Variants in LRFN5 observed in about 807,000 individuals in gnomAD.
LRFN5 encodes leucine-rich repeat and fibronectin type-III domain-containing protein 5.
In LRFN5, 24 loss-of-function variants were observed where a neutral mutation model predicts 45.6. The observed-to-expected ratio is 0.53, with a 90% CI of 0.38 to 0.74. LRFN5 has a LOEUF of 0.74. LRFN5 is among the 30% of genes least tolerant of loss of function. LRFN5 has a pLI of 0.00. For missense variants in LRFN5, 776 were observed against 861.5 expected (o/e 0.90, Z 1.24); for synonymous variants, 340 against 313.8 (o/e 1.08, Z -0.88).
chr14:41,692,027 T>C (rs1293536326), intron 1 of LRFN5, among the ~76,000 whole-genome samples: 2 of 152,136 alleles, frequency 1.3e-5, no homozygotes, highest in East Asian at 1.9e-4. Context: ...GTGGGTAAGA[T>C]TGATGTGAAC....
chr14:41,681,497 A>C (rs1358367474), intron 1 of LRFN5, among the ~76,000 whole-genome samples: 1 of 152,154 alleles, frequency 6.6e-6, no homozygotes. Flanking sequence ...AACAAAACCA[A>C]ACGGAACAAA....
chr14:41,848,392 A>G (rs1889143661), intron 2 of LRFN5, among the ~76,000 whole-genome samples: 1 of 151,540 alleles, frequency 6.6e-6, no homozygotes, highest in Admixed American at 6.6e-5. Flanking sequence ...AAAAAGTAAA[A>G]CAAACCCAAG....
At chr14:41,747,303 A>G (rs2138835037) in intron 1 of LRFN5, among the ~76,000 whole-genome samples, 1 of 151,000 alleles carries the variant, frequency 6.6e-6, no homozygotes, top group Middle Eastern at 3.4e-3. Flanking sequence ...AGTTACAGTA[A>G]TCAAAGGATT....
At chr14:41,781,616 G>GAAAGAAAGAAAGAAAGAAAGAGAA (rs1317274535) in intron 2 of LRFN5, among the ~76,000 whole-genome samples, 1 of 59,638 alleles carries the variant, frequency 1.7e-5, no homozygotes, top group Non-Finnish European at 3.2e-5. Flanking sequence ...AAGAAAGAAA[G>GAAAGAAAGAAAGAAAGAAAGAGAA]AGAAAGAAAG....
chr14:41,850,625 G>A (rs1162377470), intron 2 of LRFN5, among the ~76,000 whole-genome samples: 7 of 151,776 alleles, frequency 4.6e-5, no homozygotes, highest in Non-Finnish European at 1.0e-4. Flanking sequence ...ACAGTTTAAT[G>A]TCTCTTTGAT....
intron 2 of LRFN5, among the ~76,000 whole-genome samples, chr14:41,809,962 A>G (rs555118306): frequency 1.3e-3 from 192 of 152,156 alleles, no homozygotes; most frequent in South Asian, 7.0e-3. Flanking sequence ...AAGTTTACCA[A>G]AACTATGACC....
At position 41,862,861 on chromosome 14, in the gene LRFN5, C is replaced by CTT. The variant is rs536861522; in HGVS notation, c.-20-23725_-20-23724dup. 6.6e-3 allele frequency among the ~76,000 whole-genome samples: 726 copies of CTT among 110,158 alleles called. 20 individuals carry two copies. The highest frequency in any genetic ancestry group is 0.019 in the African/African-American group (546 of 29,000). 72.3% of individuals were successfully genotyped at this position (110,158 alleles called of 152,430 possible). A position where few individuals can be genotyped will look rare whatever the true frequency, so the allele number is the denominator to read the frequency against. Reference sequence around the variant, plus strand: ...TCATGAAGTGCTTATTTAAGTCTCTCTTTTTTTTTTTTTTTTTTTTTGATA... The same window carrying CTT: ...TCATGAAGTGCTTATTTAAGTCTCTCTTTTTTTTTTTTTTTTTTTTTTTGATA... On this transcript the variant is annotated intron_variant, in intron 2 of 5. Transcript: ENST00000298119.
At chr14:41,626,665 G>C (rs892185848) in intron 1 of LRFN5, among the ~76,000 whole-genome samples, 1 of 151,942 alleles carries the variant, frequency 6.6e-6, no homozygotes, top group Non-Finnish European at 1.5e-5. Context: ...GTCTGGCCCT[G>C]GCACAATGTT....
At chr14:41,670,072 C>T (rs1208261211) in intron 1 of LRFN5, among the ~76,000 whole-genome samples, 1 of 147,598 alleles carries the variant, frequency 6.8e-6, no homozygotes, top group African/African-American at 2.5e-5. Flanking sequence ...ACTATATGCA[C>T]CTATATATAC....
At chr14:41,829,488 T>C (rs1810329515) in intron 2 of LRFN5, among the ~76,000 whole-genome samples, 1 of 151,994 alleles carries the variant, frequency 6.6e-6, no homozygotes, top group Admixed American at 6.6e-5. Flanking sequence ...TCTGGTGGTC[T>C]GTTTATCTGA....
intron 1 of LRFN5, among the ~76,000 whole-genome samples, chr14:41,754,364 G>A (rs1277625823): frequency 3.3e-5 from 5 of 152,076 alleles, no homozygotes; most frequent in Non-Finnish European, 5.9e-5. Flanking sequence ...TGTACCTCTG[G>A]TAGAATTCGG....
At chr14:41,734,316 T>TTATATATATATATGTATATATATATATA (rs1555358692) in intron 1 of LRFN5, among the ~76,000 whole-genome samples, 27 of 38,798 alleles carry the variant, frequency 7.0e-4, no homozygotes, top group Non-Finnish European at 1.6e-3. Flanking sequence ...TGGACTGGTT[T>TTATATATATATATGTATATATATATATA]TATATATATA....
chr14:41,893,150 A>C, intron 4 of LRFN5: 1 of 983,906 alleles, frequency 1.0e-6, no homozygotes, highest in Non-Finnish European at 1.2e-6. Context: ...TTTAACCAAA[A>C]ACTGTGATAA....
intron 2 of LRFN5, among the ~76,000 whole-genome samples, chr14:41,851,644 G>C (rs188587875): frequency 1.3e-5 from 2 of 151,692 alleles, no homozygotes; most frequent in Non-Finnish European, 3.0e-5. Context: ...TCAAAACAAG[G>C]TTATTTAATA....
chr14:41,648,388 C>A (rs1051221110), intron 1 of LRFN5, among the ~76,000 whole-genome samples: 1 of 151,808 alleles, frequency 6.6e-6, no homozygotes, highest in Non-Finnish European at 1.5e-5. Flanking sequence ...GATAATATAA[C>A]CATATAGAAT....
intron 1 of LRFN5, among the ~76,000 whole-genome samples, chr14:41,634,718 A>T (rs1888671072): frequency 6.6e-6 from 1 of 152,204 alleles, no homozygotes; most frequent in African/African-American, 2.4e-5. Flanking sequence ...CTTAAATTGA[A>T]TCCTAATGCT....
chr14:41,824,488 G>A (rs187534045), intron 2 of LRFN5, among the ~76,000 whole-genome samples: 4 of 152,166 alleles, frequency 2.6e-5, no homozygotes, highest in South Asian at 4.1e-4. Context: ...TGCACTGGTT[G>A]TATGAGCAGA....
At chr14:41,632,717 T>G (rs1888588769) in intron 1 of LRFN5, among the ~76,000 whole-genome samples, 1 of 152,176 alleles carries the variant, frequency 6.6e-6, no homozygotes, top group African/African-American at 2.4e-5. Flanking sequence ...CTTCCTGTAG[T>G]CTTAGTAGAA....
chr14:41,627,021 C>A (rs1214052883), intron 1 of LRFN5, among the ~76,000 whole-genome samples: 1 of 152,194 alleles, frequency 6.6e-6, no homozygotes, highest in Non-Finnish European at 1.5e-5. Context: ...TAAATCATAT[C>A]TTTGCTCTGT....
Sources: gnomAD v4.1 joint callset for allele counts (sites outside exome capture counted in the v4.1 genomes callset) on GRCh38, gnomAD v4.1.1 for gene constraint, MANE v1.5 for transcripts, NCBI Gene and HGNC (gene_info 2026-07-23, HGNC 2026-07-21) for gene names.